Variants in GNAQ observed in about 807,000 individuals in gnomAD.
The protein encoded by GNAQ is guanine nucleotide-binding protein G(q) subunit alpha.
In GNAQ, 8 loss-of-function variants were observed where a neutral mutation model predicts 43.9. That is an observed-to-expected ratio of 0.18 (90% CI 0.11 to 0.33). The LOEUF (loss-of-function observed/expected upper bound fraction) is 0.33. Ranked by LOEUF, GNAQ falls within the 10% of genes least tolerant of loss-of-function variation. GNAQ has a pLI of 1.00. For missense variants in GNAQ, 158 were observed against 450.8 expected, an observed-to-expected ratio of 0.35 and a Z score of 5.88; for synonymous variants, 155 against 170.7, an observed-to-expected ratio of 0.91 and a Z score of 0.71.
chr9:77,942,554 A>C (rs1192676829), intron 1 of GNAQ, among the ~76,000 whole-genome samples: 1 of 152,186 alleles, frequency 6.6e-6, no homozygotes, highest in Non-Finnish European at 1.5e-5. Flanking sequence ...CCCTTGTCCT[A>C]ATCAATGGAA....
intron 1 of GNAQ, among the ~76,000 whole-genome samples, chr9:77,992,312 A>C (rs1259027426): frequency 6.6e-6 from 1 of 152,252 alleles, no homozygotes; most frequent in Non-Finnish European, 1.5e-5. Context: ...TCCGTAACAG[A>C]AAAGTTTTCG....
chr9:77,791,199 A>G (rs568894880), intron 5 of GNAQ, among the ~76,000 whole-genome samples: 11 of 152,346 alleles, frequency 7.2e-5, no homozygotes, highest in African/African-American at 2.6e-4. Flanking sequence ...GATTCTATAA[A>G]GAGCTTAGCC....
At chr9:77,880,564 T>TG (rs1329126169) in intron 2 of GNAQ, among the ~76,000 whole-genome samples, 5 of 149,574 alleles carry the variant, frequency 3.3e-5, no homozygotes, top group African/African-American at 5.0e-5. Flanking sequence ...TGTTTTTTTT[T>TG]TTTTGTTTTT....
At chr9:77,729,794 G>C (rs865977214) in intron 5 of GNAQ, among the ~76,000 whole-genome samples, 1 of 152,166 alleles carries the variant, frequency 6.6e-6, no homozygotes, top group Admixed American at 6.5e-5. Context: ...CTGCTGCTAC[G>C]GGGTGGTTTG....
chr9:77,933,363 A>G (rs1157642630), intron 1 of GNAQ, among the ~76,000 whole-genome samples: 1 of 152,164 alleles, frequency 6.6e-6, no homozygotes, highest in Admixed American at 6.5e-5. Flanking sequence ...ACACACACAC[A>G]TTTATAAAGT....
chr9:77,797,715 G>A (rs1826679836), intron 3 of GNAQ, 67 bp from the exon 4 acceptor site: 50 of 1,483,094 alleles, frequency 3.4e-5, no homozygotes, highest in Non-Finnish European at 3.9e-5. Flanking sequence ...TACGGAAAGG[G>A]AAGGACAAAA....
chr9:77,921,061 G>A (rs1221218474), intron 2 of GNAQ, among the ~76,000 whole-genome samples: 3 of 152,188 alleles, frequency 2.0e-5, no homozygotes, highest in African/African-American at 4.8e-5. Context: ...AAAGTACTGA[G>A]AGAATGAAAA....
At chr9:77,812,136 A>G (rs547422944) in intron 3 of GNAQ, among the ~76,000 whole-genome samples, 1 of 152,374 alleles carries the variant, frequency 6.6e-6, no homozygotes, top group Non-Finnish European at 1.5e-5. Context: ...ATGCCAATGT[A>G]GACCAACTGA....
rs577600835 is a variant in GNAQ at position 77,805,018 on chromosome 9, G to A, written c.477-7370C>T. On this transcript the variant is annotated intron_variant, in intron 3 of 6. Transcript: ENST00000286548. ...GAGAAATCAGAAACACACAGTTATC[G>A]TGCAGTTGCTATATGACCACAAAAG... Among the ~76,000 whole-genome samples, 6 of 152,196 alleles carry A rather than the reference G, an allele frequency of 3.9e-5. No homozygotes were observed. In the East Asian group the frequency reaches 9.7e-4, roughly 24 times the overall value.
At chr9:78,027,550 C>A (rs940616002) in intron 1 of GNAQ, among the ~76,000 whole-genome samples, 4 of 151,878 alleles carry the variant, frequency 2.6e-5, no homozygotes, top group African/African-American at 9.7e-5. Context: ...TGGCCTGTCG[C>A]GACCAGCCTG....
chr9:77,974,229 T>C (rs1016988164), intron 1 of GNAQ, among the ~76,000 whole-genome samples: 2 of 152,180 alleles, frequency 1.3e-5, no homozygotes, highest in South Asian at 4.2e-4. Flanking sequence ...GGGGCTGAGC[T>C]TTCAATTTCT....
chr9:77,737,720 A>G (rs896843861), intron 5 of GNAQ, among the ~76,000 whole-genome samples: 10 of 152,192 alleles, frequency 6.6e-5, no homozygotes, highest in South Asian at 2.1e-4. Context: ...AGACAACTAG[A>G]CAGACCTATA....
At chr9:77,821,725 GT>G (rs1429605019) in intron 2 of GNAQ, among the ~76,000 whole-genome samples, 2,961 of 24,234 alleles carry the variant, frequency 0.12, 66 homozygotes, top group African/African-American at 0.22. Flanking sequence ...CCTAGTATGG[GT>G]GTGTGTGTGT....
intron 1 of GNAQ, among the ~76,000 whole-genome samples, chr9:77,941,969 T>C (rs1436812321): frequency 1.4e-5 from 2 of 139,364 alleles, no homozygotes; most frequent in East Asian, 2.1e-4. Flanking sequence ...TAGAAAGAGG[T>C]AGGGTAGAAA....
intron 1 of GNAQ, among the ~76,000 whole-genome samples, chr9:77,981,612 A>G (rs1466507697): frequency 6.6e-6 from 1 of 152,194 alleles, no homozygotes; most frequent in Admixed American, 6.5e-5. Context: ...CATGCAACCA[A>G]AAGTCCAGTA....
intron 1 of GNAQ, among the ~76,000 whole-genome samples, chr9:78,019,852 AG>A (rs1823884940): frequency 7.0e-6 from 1 of 142,062 alleles, no homozygotes; most frequent in Non-Finnish European, 1.5e-5. Flanking sequence ...TGAACCTGGG[AG>A]GCAGAGGGTG....
intron 2 of GNAQ, among the ~76,000 whole-genome samples, chr9:77,846,324 C>G (rs934865313): frequency 8.5e-5 from 13 of 152,180 alleles, no homozygotes; most frequent in African/African-American, 3.1e-4. Flanking sequence ...GAGGGGCAAG[C>G]GCTTTCCGCC....
chr9:77,943,990 T>C (rs1829351542), intron 1 of GNAQ, among the ~76,000 whole-genome samples: 1 of 152,066 alleles, frequency 6.6e-6, no homozygotes, highest in Non-Finnish European at 1.5e-5. Context: ...TTTAAAATTG[T>C]CCCATGTGGT....
chr9:77,803,566 A>G (rs1034642654), intron 3 of GNAQ, among the ~76,000 whole-genome samples: 6 of 152,232 alleles, frequency 3.9e-5, no homozygotes, highest in African/African-American at 1.4e-4. Flanking sequence ...AGCAAAATGC[A>G]GAGTCATCTG....
Sources: allele counts gnomAD v4.1 joint callset (sites outside exome capture counted in the v4.1 genomes callset), GRCh38; gene constraint gnomAD v4.1.1; transcripts MANE v1.5; gene names NCBI Gene and HGNC (gene_info 2026-07-23, HGNC 2026-07-21).